HKDC1: variants seen among roughly 807,000 people sequenced by gnomAD.
HKDC1 encodes hexokinase domain containing 1, also known as hexokinase HKDC1.
HKDC1 carries 66 observed loss-of-function variants against 96.6 expected under a neutral mutation model. The observed-to-expected ratio is 0.68, with a 90% CI of 0.56 to 0.84. The LOEUF is 0.84. Ranked by LOEUF, HKDC1 falls within the 40% of genes least tolerant of loss-of-function variation. HKDC1 has a pLI of 0.00. For missense variants in HKDC1, 1,211 were observed against 1,208.1 expected (o/e 1.00, Z -0.04); for synonymous variants, 466 against 473.1 (o/e 0.98, Z 0.20).
chr10:69,242,441 A>AAC (rs1843469354), intron 6 of HKDC1, among the ~76,000 whole-genome samples: 1 of 151,928 alleles, frequency 6.6e-6, no homozygotes, highest in South Asian at 2.1e-4. Flanking sequence ...AAAAAAAAAA[A>AAC]AAAAAAAAAC....
At chr10:69,226,011 T>A (rs1401134581) in intron 1 of HKDC1, 1 of 152,080 alleles carries the variant, frequency 6.6e-6, no homozygotes, top group East Asian at 1.9e-4. Flanking sequence ...GTGCTCAGTA[T>A]AAAAACAGGG....
intron 1 of HKDC1, among the ~76,000 whole-genome samples, chr10:69,224,200 C>A (rs1843113270): frequency 6.6e-6 from 1 of 151,614 alleles, no homozygotes; most frequent in African/African-American, 2.4e-5. Context: ...AGAGCAAGAC[C>A]CTGTCTCAAA....
At chr10:69,255,696 C>T (rs1295517964) in intron 12 of HKDC1, among the ~76,000 whole-genome samples, 1 of 152,100 alleles carries the variant, frequency 6.6e-6, no homozygotes, top group African/African-American at 2.4e-5. Flanking sequence ...GAGGGTGGAT[C>T]ACTTGAGGTC....
At chr10:69,266,463 T>TGAAAAA in intron 17 of HKDC1, 147 bp from the exon 18 acceptor site, 18 of 547,634 alleles carry the variant, frequency 3.3e-5, no homozygotes, top group Non-Finnish European at 4.9e-5. Flanking sequence ...AGACCATGTC[T>TGAAAAA]AAAAAAAAAA....
intron 1 of HKDC1, among the ~76,000 whole-genome samples, chr10:69,221,105 G>A (rs1402175760): frequency 6.6e-6 from 1 of 152,032 alleles, no homozygotes; most frequent in Admixed American, 6.5e-5. Flanking sequence ...AGCCGAGATC[G>A]CGCCATTGCA....
intron 9 of HKDC1, 124 bp from the exon 10 acceptor site, chr10:69,248,300 G>C: frequency 1.0e-6 from 1 of 964,750 alleles, no homozygotes; most frequent in Non-Finnish European, 1.5e-6. Flanking sequence ...CCTACCATCA[G>C]CAAATAAAGG....
chr10:69,220,537 T>G, intron 1 of HKDC1, 39 bp downstream of exon 1: 2 of 1,422,496 alleles, frequency 1.4e-6, no homozygotes, highest in Non-Finnish European at 1.9e-6. Context: ...GCCCAGCTCC[T>G]TCTTCACGGA....
At chr10:69,240,845 G>A in intron 6 of HKDC1, 94 bp downstream of exon 6, 1 of 842,238 alleles carries the variant, frequency 1.2e-6, no homozygotes, top group South Asian at 1.5e-5. Flanking sequence ...GGCGGGAAGG[G>A]CACTGCACTA....
chr10:69,249,917 C>T (rs1016844782), intron 10 of HKDC1, among the ~76,000 whole-genome samples: 10 of 152,198 alleles, frequency 6.6e-5, no homozygotes, highest in African/African-American at 2.4e-4. Context: ...GAGGTTCAGT[C>T]TCCTGATTTT....
At chr10:69,221,090 C>T (rs1451379455) in intron 1 of HKDC1, among the ~76,000 whole-genome samples, 1 of 151,896 alleles carries the variant, frequency 6.6e-6, no homozygotes, top group Admixed American at 6.6e-5. Context: ...GTGGAGGTTG[C>T]AGTGAGCCGA....
intron 8 of HKDC1, among the ~76,000 whole-genome samples, chr10:69,246,817 G>A (rs1407649866): frequency 1.3e-5 from 2 of 151,966 alleles, no homozygotes; most frequent in Non-Finnish European, 2.9e-5. Flanking sequence ...ACATCTGAGG[G>A]TCCTGCTCCT....
chr10:69,231,411 C>T (rs1388903192), intron 2 of HKDC1, among the ~76,000 whole-genome samples: 2 of 152,136 alleles, frequency 1.3e-5, no homozygotes, highest in Non-Finnish European at 2.9e-5. Flanking sequence ...GACAGCTGCC[C>T]TCCTTTGGCA....
At chr10:69,220,692 T>C (rs1843046320) in intron 1 of HKDC1, among the ~76,000 whole-genome samples, 194 bp downstream of exon 1, 1 of 152,232 alleles carries the variant, frequency 6.6e-6, no homozygotes, top group Non-Finnish European at 1.5e-5. Flanking sequence ...ATTACTGTCC[T>C]GAACCTTACA....
intron 14 of HKDC1, 96 bp downstream of exon 14, chr10:69,257,522 C>T (rs1843738626): frequency 1.0e-6 from 1 of 1,002,366 alleles, no homozygotes; most frequent in African/African-American, 1.6e-5. Context: ...TTCCATTATA[C>T]AGAGGCTCTG....
At chr10:69,225,551 C>T (rs184314890) in intron 1 of HKDC1, among the ~76,000 whole-genome samples, 3 of 152,282 alleles carry the variant, frequency 2.0e-5, no homozygotes, top group East Asian at 3.9e-4. Flanking sequence ...CCCGAGTCCC[C>T]GGAGCCATGG....
At chr10:69,243,106 C>A in intron 6 of HKDC1, 76 bp from the exon 7 acceptor site, 1 of 1,452,094 alleles carries the variant, frequency 6.9e-7, no homozygotes, top group South Asian at 1.2e-5. Context: ...GGAGGACTCC[C>A]CAGCAGTCAA....
intron 9 of HKDC1, 47 bp from the exon 10 acceptor site, chr10:69,248,377 C>G (rs1479740860): frequency 6.6e-7 from 1 of 1,521,778 alleles, no homozygotes; most frequent in Non-Finnish European, 8.8e-7. Flanking sequence ...TGTGCCTGAG[C>G]CTGGCCTTTA....
At chr10:69,235,625 C>T (rs1296072012) in intron 4 of HKDC1, among the ~76,000 whole-genome samples, 1 of 152,082 alleles carries the variant, frequency 6.6e-6, no homozygotes, top group African/African-American at 2.4e-5. Context: ...GTGCCAGCTG[C>T]TCTTATTAGA....
chr10:69,254,041 A>G (rs1340422129), intron 12 of HKDC1, among the ~76,000 whole-genome samples: 2 of 152,182 alleles, frequency 1.3e-5, no homozygotes, highest in East Asian at 1.9e-4. Flanking sequence ...GCAGTGGCTC[A>G]CTCCTGTCAT....
Sources: allele counts gnomAD v4.1 joint callset (sites outside exome capture counted in the v4.1 genomes callset), GRCh38; gene constraint gnomAD v4.1.1; transcripts MANE v1.5; gene names NCBI Gene and HGNC (gene_info 2026-07-23, HGNC 2026-07-21).